RBFOX1: variants seen among roughly 807,000 people sequenced by gnomAD.
RBFOX1 encodes RNA binding fox-1 homolog 1, also known as RNA binding protein fox-1 homolog 1.
In RBFOX1, 8 loss-of-function variants were observed where a neutral mutation model predicts 57.7. The observed-to-expected ratio is 0.14, with a 90% CI of 0.08 to 0.25. RBFOX1 has a LOEUF of 0.25. RBFOX1 is among the 10% of genes least tolerant of loss of function. The probability of loss-of-function intolerance (pLI) is 1.00; values close to 1 mark genes in which losing one functional copy is unlikely to be tolerated. For synonymous variants in RBFOX1, 326 were observed against 222.4 expected (o/e 1.47, Z -4.15); for missense variants, 611 against 548.5 (o/e 1.11, Z -1.14).
Position 6,513,008 on chromosome 16 carries a change from T to TCGATG in RBFOX1, c.-63-141594_-63-141590dup, listed in dbSNP as rs2096285345. 3.9e-5 allele frequency among the ~76,000 whole-genome samples: 6 copies of TCGATG among 152,328 alleles called. No homozygotes were observed. In the South Asian group the frequency reaches 1.2e-3, roughly 32 times the overall value. Reference sequence around the variant, plus strand: ...TTTTGTTACGAATTCCTACTTCTCATCGATGTCTCCTTCCCACTGTGAAAA... The same window carrying TCGATG: ...TTTTGTTACGAATTCCTACTTCTCATCGATGCGATGTCTCCTTCCCACTGTGAAAA... On this transcript the variant is annotated intron_variant, in intron 2 of 15. Coordinates refer to ENST00000550418, the MANE Select transcript of RBFOX1 (RefSeq NM_018723.4).
chr16:5,831,820 G>A lies in RBFOX1; in HGVS notation c.319-35483G>A, dbSNP rs183120471. Among the ~76,000 whole-genome samples, 20 of 152,190 alleles carry A rather than the reference G, an allele frequency of 1.3e-4. No individual in the cohort carries two copies. The East Asian group carries it at 3.5e-3, about 26-fold the overall frequency. On this transcript the variant is annotated intron_variant, in intron 3 of 19. Transcript: ENST00000641259. The stretch of plus-strand genomic sequence containing the variant: ...GGCCTAATACTGTCTTCACTATATA[G>A]TGGTGAAATAAACAAATTATTTATA...
chr16:7,080,069 AC>A (rs1223336190), intron 4 of RBFOX1, among the ~76,000 whole-genome samples: 1 of 135,836 alleles, frequency 7.4e-6, no homozygotes, highest in African/African-American at 3.1e-5. Flanking sequence ...TTATATATAT[AC>A]ATATATACAT....
At chr16:7,271,227 TTGTCTACACG>T (rs1252713224) in intron 4 of RBFOX1, among the ~76,000 whole-genome samples, 4 of 152,078 alleles carry the variant, frequency 2.6e-5, no homozygotes, top group African/African-American at 4.8e-5. Context: ...ATGCTTGCCT[TTGTCTACACG>T]TGTTTCCTAA....
chr16:6,451,797 C>CATCCATGA (rs1168780741), intron 2 of RBFOX1, among the ~76,000 whole-genome samples: 1 of 152,160 alleles, frequency 6.6e-6, no homozygotes, highest in Admixed American at 6.5e-5. Context: ...CCCGTGACTC[C>CATCCATGA]ATCCATGACT....
chr16:6,900,100 A>G (rs13337302), intron 3 of RBFOX1, among the ~76,000 whole-genome samples: 5,727 of 152,266 alleles, frequency 0.038, 356 homozygotes, highest in African/African-American at 0.13. Context: ...TTCCTGGCAC[A>G]TGAAACAAAG....
At chr16:6,827,399 G>A (rs1351170034) in intron 3 of RBFOX1, among the ~76,000 whole-genome samples, 1 of 152,106 alleles carries the variant, frequency 6.6e-6, no homozygotes, top group African/African-American at 2.4e-5. Context: ...ATCGCTGGAG[G>A]GGAAGTGCTT....
chr16:7,699,230 C>A (rs1028601339), intron 14 of RBFOX1, among the ~76,000 whole-genome samples: 1 of 151,924 alleles, frequency 6.6e-6, no homozygotes, highest in Non-Finnish European at 1.5e-5. Context: ...GTCATCCAGG[C>A]TGGAGAGTTC....
At chr16:6,840,554 C>T (rs1954852062) in intron 3 of RBFOX1, among the ~76,000 whole-genome samples, 1 of 151,966 alleles carries the variant, frequency 6.6e-6, no homozygotes, top group Non-Finnish European at 1.5e-5. Flanking sequence ...GGTGATGGGG[C>T]CATAGAGCAT....
intron 4 of RBFOX1, among the ~76,000 whole-genome samples, chr16:7,147,230 C>G (rs1417963200): frequency 1.3e-5 from 2 of 150,992 alleles, no homozygotes; most frequent in Non-Finnish European, 2.9e-5. Context: ...GTCAGGAACT[C>G]CTGACCTCAA....
At chr16:7,307,295 G>A (rs2096212557) in intron 4 of RBFOX1, among the ~76,000 whole-genome samples, 2 of 152,154 alleles carry the variant, frequency 1.3e-5, no homozygotes, top group African/African-American at 2.4e-5. Context: ...TTCATTAAAT[G>A]CTTTCTTTGT....
At chr16:7,086,993 G>A (rs75526861) in intron 4 of RBFOX1, among the ~76,000 whole-genome samples, 10,298 of 152,198 alleles carry the variant, frequency 0.068, 506 homozygotes, top group East Asian at 0.21. Flanking sequence ...GGCGGCAGCT[G>A]CAGCGATGGG....
At chr16:6,165,231 A>G (rs1259135191) in intron 1 of RBFOX1, among the ~76,000 whole-genome samples, 1 of 152,228 alleles carries the variant, frequency 6.6e-6, no homozygotes, top group Non-Finnish European at 1.5e-5. Context: ...GATGAATGAA[A>G]GGCTTTACAT....
chr16:6,555,551 T>A (rs2097083475), intron 2 of RBFOX1, among the ~76,000 whole-genome samples: 3 of 151,892 alleles, frequency 2.0e-5, no homozygotes. Flanking sequence ...ATACAAAAAA[T>A]TAGCCGGGCG....
intron 4 of RBFOX1, among the ~76,000 whole-genome samples, chr16:7,148,700 A>G (rs990026569): frequency 6.6e-6 from 1 of 152,206 alleles, no homozygotes; most frequent in African/African-American, 2.4e-5. Context: ...CAGTTTTAAC[A>G]TGGTTGAATG....
intron 1 of RBFOX1, among the ~76,000 whole-genome samples, chr16:5,256,414 C>T (rs1377195470): frequency 6.6e-6 from 1 of 152,182 alleles, no homozygotes; most frequent in African/African-American, 2.4e-5. Context: ...CTCACATGTC[C>T]TCTGTGTGTC....
In RBFOX1 at chr16:6,031,811, C is replaced by T. The variant is rs1406781878; in HGVS notation, c.-127+11819C>T. On this transcript the variant is annotated intron_variant, in intron 1 of 15. Transcript: ENST00000550418. ...ATGTGCAGAGCATAGCTCTGTTTTG[C>T]CTCACATCCCTCCTGGACTGATCCC... Among the ~76,000 whole-genome samples the T allele has an allele frequency of 2.0e-5, 3 of 152,206 alleles. No homozygotes were observed. In the East Asian group the frequency reaches 5.8e-4, roughly 29 times the overall value.
intron 3 of RBFOX1, among the ~76,000 whole-genome samples, chr16:6,940,664 C>T (rs940244656): frequency 6.6e-6 from 1 of 152,146 alleles, no homozygotes; most frequent in Admixed American, 6.5e-5. Flanking sequence ...GCGACGCGAT[C>T]TCAGCTCACT....
chr16:5,355,980 A>T (rs1331419384), intron 1 of RBFOX1, among the ~76,000 whole-genome samples: 3 of 152,174 alleles, frequency 2.0e-5, no homozygotes, highest in Non-Finnish European at 4.4e-5. Context: ...AATCTCAGCT[A>T]CTCAGGAGGC....
chr16:6,339,323 A>C (rs146777228), intron 2 of RBFOX1, among the ~76,000 whole-genome samples: 1 of 152,314 alleles, frequency 6.6e-6, no homozygotes, highest in East Asian at 1.9e-4. Flanking sequence ...CTGTGATTTT[A>C]ATAGGTTTGT....
Sources: gnomAD v4.1 joint callset for allele counts (sites outside exome capture counted in the v4.1 genomes callset) on GRCh38, gnomAD v4.1.1 for gene constraint, MANE v1.5 for transcripts, NCBI Gene and HGNC (gene_info 2026-07-23, HGNC 2026-07-21) for gene names.